Variants in APC observed in about 807,000 individuals in gnomAD.
The protein encoded by APC is APC regulator of Wnt signaling pathway.
A neutral mutation model predicts 247.0 loss-of-function variants in APC; 72 were observed. The observed-to-expected ratio is 0.29, with a 90% CI of 0.24 to 0.35. The LOEUF (loss-of-function observed/expected upper bound fraction) is 0.35. Among genes scored for constraint, APC ranks in the 10% least tolerant of loss-of-function variants. The probability of loss-of-function intolerance (pLI) is 1.00; values close to 1 mark genes in which losing one functional copy is unlikely to be tolerated. For missense variants in APC, 3,400 were observed against 3,360.7 expected, an observed-to-expected ratio of 1.01 and a Z score of -0.29; for synonymous variants, 1,254 against 1,162.5, an observed-to-expected ratio of 1.08 and a Z score of -1.60.
At chr5:112,823,082 A>G (rs13166003) in intron 11 of APC, among the ~76,000 whole-genome samples, 1 of 152,152 alleles carries the variant, frequency 6.6e-6, no homozygotes, top group Non-Finnish European at 1.5e-5. Flanking sequence ...CGTTAATACA[A>G]TCTCAGCATT....
chr5:112,737,730 G>A (rs973231291), upstream of APC: 4 of 617,768 alleles, frequency 6.5e-6, no homozygotes, highest in South Asian at 1.4e-4. Context: ...GCCCCACTGC[G>A]GAGTGCGGGT....
At chr5:112,777,020 C>T (rs1408492996) in intron 5 of APC, among the ~76,000 whole-genome samples, 3 of 152,058 alleles carry the variant, frequency 2.0e-5, no homozygotes, top group African/African-American at 7.2e-5. Flanking sequence ...CAAACCATTG[C>T]ATTTATAGAT....
intron 5 of APC, chr5:112,778,554 T>G (rs1021413934): frequency 6.6e-6 from 1 of 151,422 alleles, no homozygotes; most frequent in African/African-American, 2.4e-5. Flanking sequence ...TAACTTATTT[T>G]TTTTTTTTTT....
intron 1 of APC, among the ~76,000 whole-genome samples, chr5:112,750,363 G>C (rs1169390208): frequency 2.0e-5 from 3 of 151,684 alleles, no homozygotes; most frequent in Non-Finnish European, 4.4e-5. Flanking sequence ...CTGTATTTTT[G>C]TATGTTCTTT....
intron 6 of APC, among the ~76,000 whole-genome samples, chr5:112,784,786 A>T (rs1758760727): frequency 6.6e-6 from 1 of 152,186 alleles, no homozygotes; most frequent in Admixed American, 6.5e-5. Context: ...AATAGAATGA[A>T]AGTTTTTAAA....
rs1330361513 is a variant in APC, at chr5:112,838,787, C to A, written c.3193C>A (p.Gln1065Lys). The change falls in exon 16 of 16, where the codon CAA becomes AAA. Residue 1065 changes from glutamine (Q) to lysine (K), a missense_variant. By Grantham distance (53) the Gln-to-Lys change is moderately conservative. This residue lies in a region of APC where 715 missense variants were observed against 656.6 expected (regional missense o/e 1.09). Transcript: ENST00000257430. ...IIEDEIKQSE[Q>K]RQSRNQSTTY... ...AGAAGATGAAATAAAACAAAGTGAGCAAAGACAATCAAGGAATCAAAGTAC... is the reference window on the plus strand; with the variant it reads ...AGAAGATGAAATAAAACAAAGTGAGAAAAGACAATCAAGGAATCAAAGTAC... The A allele has an allele frequency of 2.5e-6, 4 of 1,614,082 alleles. No homozygotes were observed. Among genetic ancestry groups the A allele is most frequent in the Admixed American group, 1.7e-5 (1 of 60,014 alleles).
intron 14 of APC, among the ~76,000 whole-genome samples, chr5:112,832,508 A>G (rs1327998283): frequency 2.0e-5 from 3 of 152,212 alleles, no homozygotes; most frequent in South Asian, 4.1e-4. Context: ...TAAAGTAGCT[A>G]TTTATTGGGT....
chr5:112,824,267 A>G (rs1046054414), intron 11 of APC, among the ~76,000 whole-genome samples: 2 of 152,108 alleles, frequency 1.3e-5, no homozygotes, highest in Admixed American at 1.3e-4. Context: ...AAACATCCTG[A>G]TTTTTCTTAG....
At chr5:112,769,066 T>TTTTA (rs1487834401) in intron 4 of APC, among the ~76,000 whole-genome samples, 23 of 144,700 alleles carry the variant, frequency 1.6e-4, no homozygotes, top group African/African-American at 6.1e-4. Context: ...TTTTTTTTTT[T>TTTTA]TTTTGAGATA....
chr5:112,814,977 T>G (rs1192267429), intron 8 of APC, among the ~76,000 whole-genome samples: 6 of 152,248 alleles, frequency 3.9e-5, no homozygotes, highest in Non-Finnish European at 2.9e-5. Flanking sequence ...CTCAGTGTTT[T>G]GTTCATTCTT....
intron 1 of APC, among the ~76,000 whole-genome samples, chr5:112,711,774 A>G (rs1055478570): frequency 7.9e-5 from 12 of 152,140 alleles, no homozygotes; most frequent in African/African-American, 2.7e-4. Context: ...TGGCAAGTAC[A>G]TAGATAGAAG....
chr5:112,771,904 C>T (rs1303492058), intron 4 of APC, among the ~76,000 whole-genome samples: 1 of 152,048 alleles, frequency 6.6e-6, no homozygotes, highest in Non-Finnish European at 1.5e-5. Context: ...CAGCTTGTAG[C>T]TTTATAAGCT....
chr5:112,808,318 T>A (rs1761629214), intron 8 of APC, among the ~76,000 whole-genome samples: 1 of 152,236 alleles, frequency 6.6e-6, no homozygotes, highest in Non-Finnish European at 1.5e-5. Flanking sequence ...AGGGTCCAGA[T>A]AAGGTCCATG....
chr5:112,828,457 T>A (rs1350300440), intron 13 of APC, among the ~76,000 whole-genome samples: 9 of 141,446 alleles, frequency 6.4e-5, no homozygotes, highest in African/African-American at 1.8e-4. Flanking sequence ...AGGAGGAATT[T>A]AAAAAAAAAA....
At chr5:112,792,834 A>G (rs1331104314) in intron 7 of APC, among the ~76,000 whole-genome samples, 1 of 152,186 alleles carries the variant, frequency 6.6e-6, no homozygotes, top group Non-Finnish European at 1.5e-5. Flanking sequence ...TTTTTTATAG[A>G]TAATCCATAG....
At chr5:112,728,356 T>A (rs929804452) in intron 1 of APC, among the ~76,000 whole-genome samples, 8 of 152,104 alleles carry the variant, frequency 5.3e-5, no homozygotes, top group African/African-American at 1.9e-4. Context: ...GCTCTTGAAC[T>A]CCTGACCTCA....
In APC at chr5:112,840,894, G is replaced by A. The variant is rs1064796537; in HGVS notation, c.5300G>A (p.Gly1767Asp). ...GCACCCAACAAAAATCAGTTAGATG[G>A]TAAGAAAAAGAAACCAACTTCACCA... ...SSAPNKNQLDGKKKKPTSPVK... is the reference protein window; with the variant it reads ...SSAPNKNQLDDKKKKPTSPVK... The change falls in exon 16 of 16, where the codon GGT (glycine) becomes GAT (aspartate). Residue 1767 changes from glycine to aspartate, a missense_variant. Transcript: ENST00000257430. This position sits in a 1 kb window ranked among gnomAD's most constrained non-coding sequence, Gnocchi z 4.1. 1 of 1,613,804 alleles carries A rather than the reference G, an allele frequency of 6.2e-7. No homozygotes were observed. The highest frequency in any genetic ancestry group is 8.5e-7 in the Non-Finnish European group (1 of 1,179,744).
At chr5:112,713,080 A>G (rs565537481) in intron 1 of APC, among the ~76,000 whole-genome samples, 1 of 151,926 alleles carries the variant, frequency 6.6e-6, no homozygotes, top group South Asian at 2.1e-4. Flanking sequence ...CTGAGGCAGG[A>G]GAATCACTTG....
At chr5:112,806,552 C>CTTATTTA (rs748045511) in intron 8 of APC, among the ~76,000 whole-genome samples, 4 of 145,596 alleles carry the variant, frequency 2.7e-5, no homozygotes, top group Non-Finnish European at 6.0e-5. Flanking sequence ...TGGTTCTCAA[C>CTTATTTA]TTTATTTATT....
Sources: gnomAD v4.1 joint callset for allele counts (sites outside exome capture counted in the v4.1 genomes callset) on GRCh38, gnomAD v4.1.1 for gene constraint, gnomAD v4.1.1 regional missense constraint, Gnocchi (gnomAD v3.1) non-coding constraint, MANE v1.5 for transcripts, NCBI Gene and HGNC (gene_info 2026-07-23, HGNC 2026-07-21) for gene names.